The following ADAMTS9 variants were observed in gnomAD, a reference collection of about 807,000 sequenced individuals.
The protein encoded by ADAMTS9 is ADAM metallopeptidase with thrombospondin type 1 motif 9, also known as A disintegrin and metalloproteinase with thrombospondin motifs 9.
In ADAMTS9, 107 loss-of-function variants were observed where a neutral mutation model predicts 257.1. The ratio of observed to expected loss-of-function variants is 0.42; its 90% confidence interval spans 0.36 to 0.49. The LOEUF is 0.49. Ranked by LOEUF, ADAMTS9 falls within the 20% of genes least tolerant of loss-of-function variation. ADAMTS9 has a pLI of 0.03. For missense variants in ADAMTS9, 2,353 were observed against 2,469.1 expected, an observed-to-expected ratio of 0.95 and a Z score of 1.00; for synonymous variants, 982 against 880.9, an observed-to-expected ratio of 1.11 and a Z score of -2.03.
At chr3:64,645,048 G>A (rs958749923) in intron 11 of ADAMTS9, among the ~76,000 whole-genome samples, 9 of 152,202 alleles carry the variant, frequency 5.9e-5, no homozygotes, top group Non-Finnish European at 1.0e-4. Flanking sequence ...CAGATGCTGG[G>A]AAGGGGGTCT....
At chr3:64,652,962 T>C (rs1047257313) in intron 8 of ADAMTS9, among the ~76,000 whole-genome samples, 12 of 152,218 alleles carry the variant, frequency 7.9e-5, no homozygotes, top group Admixed American at 5.9e-4. Context: ...AAATTACCTC[T>C]AGGCTATGTG....
chr3:64,544,951 G>T (rs2083177588), intron 32 of ADAMTS9, among the ~76,000 whole-genome samples: 1 of 152,056 alleles, frequency 6.6e-6, no homozygotes. Flanking sequence ...GTGGGCGATG[G>T]ATATGAACAG....
At chr3:64,528,758 T>C (rs1275730893) in intron 38 of ADAMTS9, among the ~76,000 whole-genome samples, 1 of 152,216 alleles carries the variant, frequency 6.6e-6, no homozygotes, top group Non-Finnish European at 1.5e-5. Flanking sequence ...ATTTGCCCAG[T>C]AGGATACCAA....
Position 64,538,763 on chromosome 3 carries a change from G to A in ADAMTS9, c.5613+440C>T, listed in dbSNP as rs549427150. Reference sequence around the variant, plus strand: ...TCCATTTAGTGACATAATGTTGACGGCTTGAAATCAATTATAGGGAGAATA... The same window carrying A: ...TCCATTTAGTGACATAATGTTGACGACTTGAAATCAATTATAGGGAGAATA... On this transcript the variant is annotated intron_variant, in intron 37 of 39. Coordinates refer to ENST00000498707, the MANE Select transcript of ADAMTS9 (RefSeq NM_182920.2). Among the ~76,000 whole-genome samples, 61 of 152,188 alleles carry A rather than the reference G, an allele frequency of 4.0e-4. 1 individual carries two copies. In the South Asian group the frequency reaches 0.013, roughly 32 times the overall value.
intron 37 of ADAMTS9, among the ~76,000 whole-genome samples, chr3:64,536,452 G>A (rs950719767): frequency 2.0e-5 from 3 of 152,192 alleles, no homozygotes; most frequent in Non-Finnish European, 4.4e-5. Flanking sequence ...GGTCCGTAAA[G>A]GTTTGCAAAA....
At chr3:64,678,130 C>G (rs1295015553) in intron 3 of ADAMTS9, among the ~76,000 whole-genome samples, 1 of 152,190 alleles carries the variant, frequency 6.6e-6, no homozygotes, top group East Asian at 1.9e-4. Context: ...CAGGAGACCT[C>G]TCTCCCAAGG....
At chr3:64,533,744 C>CTAA (rs1667356989) in intron 37 of ADAMTS9, among the ~76,000 whole-genome samples, 1 of 152,230 alleles carries the variant, frequency 6.6e-6, no homozygotes, top group African/African-American at 2.4e-5. Flanking sequence ...ACACCGCGTA[C>CTAA]TAAGCACAGC....
Position 64,679,604 on chromosome 3 carries a change from T to C in ADAMTS9, c.679+1597A>G, listed in dbSNP as rs1016924961. 2.0e-5 allele frequency among the ~76,000 whole-genome samples: 3 copies of C among 152,238 alleles called. 1 individual carries two copies. Among genetic ancestry groups the C allele is most frequent in the African/African-American group, 7.2e-5 (3 of 41,458 alleles). ...TAGGGGAGAAGAATATCATGAAGTGTCATTGGTCAATAAATTCATCAGTGA... is the reference window on the plus strand; with the variant it reads ...TAGGGGAGAAGAATATCATGAAGTGCCATTGGTCAATAAATTCATCAGTGA... On this transcript the variant is annotated intron_variant, in intron 3 of 39. Transcript: ENST00000498707.
At chr3:64,551,602 T>C (rs890050956) in intron 30 of ADAMTS9, among the ~76,000 whole-genome samples, 1 of 152,026 alleles carries the variant, frequency 6.6e-6, no homozygotes, top group African/African-American at 2.4e-5. Flanking sequence ...TATAAATGAG[T>C]CAATCTCAGT....
intron 2 of ADAMTS9, among the ~76,000 whole-genome samples, chr3:64,682,447 A>G (rs1007845554): frequency 2.0e-5 from 3 of 152,134 alleles, no homozygotes; most frequent in African/African-American, 7.2e-5. Context: ...CCACATACCC[A>G]AGTTTTTACA....
At chr3:64,565,952 C>A (rs193104932) in intron 29 of ADAMTS9, among the ~76,000 whole-genome samples, 2,041 of 152,254 alleles carry the variant, frequency 0.013, 25 homozygotes, top group Non-Finnish European at 0.022. Flanking sequence ...TCAATACTAG[C>A]AGAGAAACTG....
Position 64,655,808 on chromosome 3 carries a change from AC to A in ADAMTS9, c.1036del (p.Val346Ter). On this transcript the variant is annotated frameshift_variant, in exon 5 of 40. Coordinates refer to ENST00000498707, the MANE Select transcript of ADAMTS9 (RefSeq NM_182920.2). LOFTEE classifies it high-confidence loss of function. Reference protein sequence around the residue: ...LINIVIVNLIVIHNEQDGPSI... With the variant: ...LINIVIVNLIXIHNEQDGPSI... ...CTTTATTACCTGTTCATTATGAATC[AC>A]AATTAAGTTCACAATAACAATATTA... 6.4e-7 allele frequency: 1 copy of A among 1,573,148 alleles called. No homozygotes were observed. Among genetic ancestry groups the A allele is most frequent in the Non-Finnish European group, 8.6e-7 (1 of 1,162,930 alleles).
chr3:64,647,929 G>T lies in ADAMTS9; in HGVS notation c.1710+11C>A. 1 of 1,611,878 alleles carries T rather than the reference G, an allele frequency of 6.2e-7. No homozygotes were observed. The highest frequency in any genetic ancestry group is 1.1e-5 in the South Asian group (1 of 90,806). ...CCCTAAGACAGAAGGACAGAACAGG[G>T]CATTACTTGCCTTTCCAGGCTCGCA... is the stretch of plus-strand genomic sequence containing the variant. On this transcript the variant is annotated intron_variant, in intron 11 of 39. Coordinates refer to ENST00000498707, the MANE Select transcript of ADAMTS9 (RefSeq NM_182920.2).
chr3:64,534,795 G>A (rs1428771099), intron 37 of ADAMTS9, among the ~76,000 whole-genome samples: 1 of 151,994 alleles, frequency 6.6e-6, no homozygotes, highest in African/African-American at 2.4e-5. Flanking sequence ...AGGGAATGGT[G>A]CTGCTGTTGG....
chr3:64,633,803 G>T lies in ADAMTS9; in HGVS notation c.1933C>A (p.Gln645Lys), dbSNP rs759728104. 2 of 1,613,208 alleles carry T rather than the reference G, an allele frequency of 1.2e-6. No individual in the cohort carries two copies. Among genetic ancestry groups the T allele is most frequent in the Non-Finnish European group, 1.7e-6 (2 of 1,179,898 alleles). Residue 645 changes from glutamine (Q) to lysine (K), a missense_variant, in exon 13 of 40, where the codon CAG becomes AAG. Gln to Lys is a moderately conservative substitution (Grantham distance 53). This residue lies in a region of ADAMTS9 where 360 missense variants were observed against 458.1 expected (regional missense o/e 0.79). Coordinates refer to ENST00000498707, the MANE Select transcript of ADAMTS9 (RefSeq NM_182920.2). ...KSCNTEPCLK[Q>K]KRDFRDEQCA... ...TGTTCATCTCGGAAGTCTCGCTTCTGCTTGAGACATGGCTCCGTGTTGCAG... is the reference window on the plus strand; with the variant it reads ...TGTTCATCTCGGAAGTCTCGCTTCTTCTTGAGACATGGCTCCGTGTTGCAG...
Position 64,546,947 on chromosome 3 carries a change from T to C in ADAMTS9, c.4875A>G (p.Ser1625=), listed in dbSNP as rs762868800. 27 of 1,606,202 alleles carry C rather than the reference T, an allele frequency of 1.7e-5. No individual in the cohort carries two copies. In the South Asian group the frequency reaches 2.9e-4, roughly 17 times the overall value. Residue 1625 remains serine, a synonymous_variant, in exon 32 of 40, where the codon TCA becomes TCG. Coordinates refer to ENST00000498707, the MANE Select transcript of ADAMTS9 (RefSeq NM_182920.2). The part of the protein sequence containing the change: ...VWITGEWSEC[S]VTCGKGYKQR... ...GTTTGTAGCCTTTTCCACAGGTCAC[T>C]GAGCACTGCAAAGACAGGGATTGAG... is the stretch of plus-strand genomic sequence containing the variant.
intron 19 of ADAMTS9, 58 bp from the exon 20 acceptor site, chr3:64,616,228 A>G (rs1342277555): frequency 2.6e-6 from 4 of 1,554,016 alleles, no homozygotes; most frequent in Admixed American, 1.7e-5. Flanking sequence ...TGCCTTATCT[A>G]TAGTCAACTG....
At chr3:64,637,149 T>C (rs376366240) in intron 12 of ADAMTS9, among the ~76,000 whole-genome samples, 4 of 152,336 alleles carry the variant, frequency 2.6e-5, no homozygotes, top group Admixed American at 6.5e-5. Flanking sequence ...CTGAACTACA[T>C]ATGTTTCCTC....
At chr3:64,607,203 ATAAAC>A in intron 22 of ADAMTS9, 124 bp from the exon 23 acceptor site, 2 of 1,297,080 alleles carry the variant, frequency 1.5e-6, no homozygotes, top group Non-Finnish European at 1.1e-6. Flanking sequence ...TGGCGCTCAA[ATAAAC>A]TAGGTCGAAG....
Sources: gnomAD v4.1 joint callset for allele counts (sites outside exome capture counted in the v4.1 genomes callset) on GRCh38, gnomAD v4.1.1 for gene constraint, gnomAD v4.1.1 regional missense constraint, MANE v1.5 for transcripts, NCBI Gene and HGNC (gene_info 2026-07-23, HGNC 2026-07-21) for gene names.